The following SLCO5A1 variants were observed in gnomAD, a reference collection of about 807,000 sequenced individuals.
SLCO5A1 encodes the protein organic anion transporter polypeptide-related protein 4.
A neutral mutation model predicts 65.1 loss-of-function variants in SLCO5A1; 39 were observed. The ratio of observed to expected loss-of-function variants is 0.60; its 90% CI spans 0.46 to 0.78. The LOEUF (loss-of-function observed/expected upper bound fraction) is 0.78, where lower values mean the gene tolerates loss of function less well. Ranked by LOEUF, SLCO5A1 falls within the 30% of genes least tolerant of loss-of-function variation. SLCO5A1 has a pLI of 0.00. For synonymous variants in SLCO5A1, 438 were observed against 415.7 expected, an observed-to-expected ratio of 1.05 and a Z score of -0.65; for missense variants, 1,029 against 1,069.4, an observed-to-expected ratio of 0.96 and a Z score of 0.53.
At chr8:69,815,806 C>T (rs1024305109) in intron 2 of SLCO5A1, among the ~76,000 whole-genome samples, 9 of 152,012 alleles carry the variant, frequency 5.9e-5, no homozygotes, top group Non-Finnish European at 8.8e-5. Flanking sequence ...ACTAAAGAAA[C>T]CATGAAAGCC....
intron 2 of SLCO5A1, among the ~76,000 whole-genome samples, chr8:69,795,040 C>A (rs1819432788): frequency 6.6e-6 from 1 of 152,182 alleles, no homozygotes. Flanking sequence ...TCATGAGGGA[C>A]AACCCCTGTG....
chr8:69,747,954 C>T (rs990494914), intron 4 of SLCO5A1, among the ~76,000 whole-genome samples: 4 of 152,160 alleles, frequency 2.6e-5, no homozygotes, highest in Non-Finnish European at 5.9e-5. Context: ...ACCAAGACTG[C>T]TTATCATATG....
Position 69,676,676 on chromosome 8 carries a change from A to G in SLCO5A1, c.2025-3T>C, listed in dbSNP as rs2130784568. On this transcript the variant is annotated splice_polypyrimidine_tract_variant and splice_region_variant and intron_variant, in intron 8 of 9. Coordinates refer to ENST00000260126, the MANE Select transcript of SLCO5A1 (RefSeq NM_030958.3). ...GTCTCTCCTCATCTTCTACGGACCT[A>G]CAGTGAAGGGAAAGAAGGAAATGCA... 2 of 1,609,266 alleles carry G rather than the reference A, an allele frequency of 1.2e-6. No individual in the cohort carries two copies. The highest frequency in any genetic ancestry group is 1.7e-6 in the Non-Finnish European group (2 of 1,177,838).
At chr8:69,812,892 T>G (rs1820265998) in intron 2 of SLCO5A1, among the ~76,000 whole-genome samples, 1 of 152,256 alleles carries the variant, frequency 6.6e-6, no homozygotes, top group Non-Finnish European at 1.5e-5. Flanking sequence ...TTCAGATTTC[T>G]CTACGAAGAT....
intron 4 of SLCO5A1, among the ~76,000 whole-genome samples, chr8:69,752,501 T>C (rs1467271176): frequency 6.6e-6 from 1 of 151,352 alleles, no homozygotes; most frequent in East Asian, 1.9e-4. Context: ...CTTTGGAAAA[T>C]TATATTAAAT....
At chr8:69,693,966 C>T (rs1240910425) in intron 6 of SLCO5A1, among the ~76,000 whole-genome samples, 1 of 152,202 alleles carries the variant, frequency 6.6e-6, no homozygotes, top group African/African-American at 2.4e-5. Context: ...TGGCAAGGCT[C>T]AGGTGAAAAT....
chr8:69,740,335 TATAA>T (rs1410944166), intron 4 of SLCO5A1, among the ~76,000 whole-genome samples: 1 of 152,188 alleles, frequency 6.6e-6, no homozygotes, highest in Admixed American at 6.6e-5. Context: ...CTTAGAAAGT[TATAA>T]ATACATTGAA....
chr8:69,677,292 G>A (rs1200409420), intron 8 of SLCO5A1, among the ~76,000 whole-genome samples: 3 of 152,032 alleles, frequency 2.0e-5, no homozygotes, highest in African/African-American at 7.3e-5. Flanking sequence ...GAGTCAACTG[G>A]TTCTGTAATT....
chr8:69,672,039 TATTATGCA>T lies in SLCO5A1; in HGVS notation c.*822_*829del, dbSNP rs1237605956. 2 of 152,258 alleles carry T rather than the reference TATTATGCA, an allele frequency of 1.3e-5. No homozygotes were observed. The highest frequency in any genetic ancestry group is 4.8e-5 in the African/African-American group (2 of 41,468). 9.4% of individuals were successfully genotyped at this position (152,258 alleles called of 1,614,324 possible). Reference sequence around the variant, plus strand: ...TGAGAAAGCTGTCATTTTCTTTCCCTATTATGCATTTCAAATTACAGTTTCTAGCCATA... The same window carrying T: ...TGAGAAAGCTGTCATTTTCTTTCCCTTTTCAAATTACAGTTTCTAGCCATA... On this transcript the variant is annotated 3_prime_UTR_variant, in exon 10 of 10. Coordinates refer to ENST00000260126, the MANE Select transcript of SLCO5A1 (RefSeq NM_030958.3).
chr8:69,802,211 G>A (rs778220929), intron 2 of SLCO5A1, among the ~76,000 whole-genome samples: 4 of 152,048 alleles, frequency 2.6e-5, no homozygotes, highest in South Asian at 2.1e-4. Flanking sequence ...AAAGAAAAAC[G>A]TTTAATGTGG....
intron 7 of SLCO5A1, 119 bp from the exon 8 acceptor site, chr8:69,679,738 A>G: frequency 2.9e-6 from 4 of 1,384,078 alleles, no homozygotes; most frequent in Non-Finnish European, 2.9e-6. Flanking sequence ...TTTCAAACAC[A>G]AAATATTTCA....
intron 9 of SLCO5A1, among the ~76,000 whole-genome samples, chr8:69,674,866 A>C (rs1464396177): frequency 0.02 from 967 of 49,526 alleles, 12 homozygotes; most frequent in African/African-American, 0.06. Flanking sequence ...ACTAAAAAAA[A>C]AAACAAAAAA....
At chr8:69,792,579 G>T (rs1586805363) in intron 2 of SLCO5A1, among the ~76,000 whole-genome samples, 3 of 152,118 alleles carry the variant, frequency 2.0e-5, no homozygotes, top group Non-Finnish European at 2.9e-5. Context: ...AGAATTAAAA[G>T]GAACCCGATG....
intron 5 of SLCO5A1, among the ~76,000 whole-genome samples, chr8:69,730,392 G>A (rs571665009): frequency 4.6e-5 from 7 of 152,196 alleles, no homozygotes; most frequent in Non-Finnish European, 1.0e-4. Flanking sequence ...TTGGTACACA[G>A]GGTTTTGGGA....
At chr8:69,793,231 G>A (rs1819345543) in intron 2 of SLCO5A1, among the ~76,000 whole-genome samples, 1 of 152,054 alleles carries the variant, frequency 6.6e-6, no homozygotes, top group East Asian at 1.9e-4. Flanking sequence ...TGATCCACCT[G>A]CCTGGGCCTC....
intron 2 of SLCO5A1, among the ~76,000 whole-genome samples, chr8:69,784,947 A>G (rs950479577): frequency 6.8e-6 from 1 of 147,952 alleles, no homozygotes; most frequent in Non-Finnish European, 1.5e-5. Context: ...AGAAAGAAAG[A>G]AAGAAGAAAG....
At chr8:69,735,263 G>A (rs759620786) in intron 5 of SLCO5A1, among the ~76,000 whole-genome samples, 2 of 152,174 alleles carry the variant, frequency 1.3e-5, no homozygotes, top group South Asian at 2.1e-4. Context: ...ACAGTATGGC[G>A]ATTCCTCAAA....
rs544753998 is a variant in SLCO5A1, at chr8:69,778,588, C to T, written c.908-16713G>A. 9.9e-5 allele frequency among the ~76,000 whole-genome samples: 15 copies of T among 152,168 alleles called. No homozygotes were observed. In the South Asian group the frequency reaches 1.9e-3, roughly 19 times the overall value. ...TAACTTTTCATATTTTCAGTTTTCT[C>T]TAATTGAATACATATTAAAATAAGC... is the stretch of plus-strand genomic sequence containing the variant. On this transcript the variant is annotated intron_variant, in intron 2 of 9. Transcript: ENST00000260126.
chr8:69,676,604 C>T lies in SLCO5A1; in HGVS notation c.2089+5G>A, dbSNP rs1244648866. On this transcript the variant is annotated splice_donor_5th_base_variant and intron_variant, in intron 9 of 9. Coordinates refer to ENST00000260126, the MANE Select transcript of SLCO5A1 (RefSeq NM_030958.3). ...AGAGGTACACTTGGAAATTCAGGGA[C>T]GTACCAAGTGTTCGCAACAAAACAA... 8.1e-6 allele frequency: 13 copies of T among 1,610,810 alleles called. No homozygotes were observed. The highest frequency in any genetic ancestry group is 2.2e-5 in the East Asian group (1 of 44,696).
Sources: allele counts gnomAD v4.1 joint callset (sites outside exome capture counted in the v4.1 genomes callset), GRCh38; gene constraint gnomAD v4.1.1; transcripts MANE v1.5; gene names NCBI Gene and HGNC (gene_info 2026-07-23, HGNC 2026-07-21).